PCDHA6: variants seen among roughly 807,000 people sequenced by gnomAD.
The protein encoded by PCDHA6 is protocadherin alpha-6.
Under a neutral mutation model 60.3 loss-of-function variants are expected in PCDHA6, and 55 were observed. The observed-to-expected ratio is 0.91, with a 90% CI of 0.73 to 1.14. The LOEUF (loss-of-function observed/expected upper bound fraction) is 1.14. Among genes scored for constraint, PCDHA6 ranks in the 50% most tolerant of loss-of-function variants. The pLI is 0.00. For synonymous variants in PCDHA6, 652 were observed against 557.9 expected, an observed-to-expected ratio of 1.17 and a Z score of -2.38; for missense variants, 1,327 against 1,256.5, an observed-to-expected ratio of 1.06 and a Z score of -0.85.
chr5:140,942,197 T>C (rs2093245078), intron 1 of PCDHA6, among the ~76,000 whole-genome samples: 1 of 152,170 alleles, frequency 6.6e-6, no homozygotes, highest in African/African-American at 2.4e-5. Context: ...TAAAATACAT[T>C]TTTGAGCATA....
rs782310474 is a variant in PCDHA6 at position 140,858,120 on chromosome 5, T to C, written c.2394+27635T>C. 9 of 1,597,738 alleles carry C rather than the reference T, an allele frequency of 5.6e-6. 1 individual carries two copies. In the Admixed American group the frequency reaches 1.5e-4, roughly 27 times the overall value. ...GTGGGCGTGGCGCCCGAGGTGGCCC[T>C]GGTGGATGTCAACGTGTACCTGATC... On this transcript the variant is annotated intron_variant, in intron 1 of 3. Coordinates refer to ENST00000529310, the MANE Select transcript of PCDHA6 (RefSeq NM_018909.4).
At chr5:140,870,941 C>A in intron 1 of PCDHA6, 1 of 1,613,712 alleles carries the variant, frequency 6.2e-7, no homozygotes, top group Non-Finnish European at 8.5e-7. Context: ...TTGCAGCCGG[C>A]GGCGGGCGGC....
rs762916391 is a variant in PCDHA6, at chr5:140,927,929, C to T, written c.2395-51020C>T. 13 of 1,614,090 alleles carry T rather than the reference C, an allele frequency of 8.1e-6. No homozygotes were observed. The highest frequency in any genetic ancestry group is 5.0e-5 in the Admixed American group (3 of 60,008). ...CCCGAACTGGACTTCCTGACTCTTT[C>T]GAACCCAGTACCTGAGGACGCTGCC... On this transcript the variant is annotated intron_variant, in intron 1 of 3. Transcript: ENST00000529310.
intron 1 of PCDHA6, among the ~76,000 whole-genome samples, chr5:140,961,393 G>C (rs1224822152): frequency 6.6e-6 from 1 of 152,104 alleles, no homozygotes; most frequent in African/African-American, 2.4e-5. Context: ...TATTCCATTA[G>C]TAAACACTTT....
chr5:140,870,252 G>C lies in PCDHA6; in HGVS notation c.2394+39767G>C, dbSNP rs782545691. On this transcript the variant is annotated intron_variant, in intron 1 of 3. Coordinates refer to ENST00000529310, the MANE Select transcript of PCDHA6 (RefSeq NM_018909.4). ...ACCGTGACTCAGGTGTCAACGGACA[G>C]GTGACCTGCTCGCTGACGCCCCACG... The C allele has an allele frequency of 4.3e-6, 7 of 1,614,080 alleles. No homozygotes were observed. The South Asian group carries it at 7.7e-5, about 18-fold the overall frequency.
intron 1 of PCDHA6, among the ~76,000 whole-genome samples, chr5:140,931,051 G>A (rs1460771235): frequency 6.6e-6 from 1 of 152,134 alleles, no homozygotes; most frequent in African/African-American, 2.4e-5. Flanking sequence ...AAACTTCAAT[G>A]CTGTGTCTGG....
At chr5:140,924,906 T>A (rs199645977) in intron 1 of PCDHA6, among the ~76,000 whole-genome samples, 5,369 of 55,724 alleles carry the variant, frequency 0.096, 112 homozygotes, top group Non-Finnish European at 0.11. Context: ...AAAAAAAAAA[T>A]AAAATAAAAT....
At chr5:140,995,548 C>T (rs1554254718) in intron 3 of PCDHA6, among the ~76,000 whole-genome samples, 2 of 152,200 alleles carry the variant, frequency 1.3e-5, no homozygotes, top group Non-Finnish European at 2.9e-5. Context: ...GGGGCGATCA[C>T]TGTACTGAAT....
intron 1 of PCDHA6, chr5:140,871,599 T>G: frequency 1.4e-6 from 2 of 1,447,906 alleles, no homozygotes; most frequent in Non-Finnish European, 1.8e-6. Flanking sequence ...GAATAACCAG[T>G]GTTTTGAATA....
In PCDHA6 at chr5:140,829,622, C is replaced by G; in HGVS notation, c.1531C>G (p.His511Asp). ...CGCGTTGTCGAGCTACATTTCGGTG[C>G]ACGCGGAGAGCGGCAAGGTGTACGC... is the stretch of plus-strand genomic sequence containing the variant. Reference protein sequence around the residue: ...ERALSSYISVHAESGKVYALQ... With the variant: ...ERALSSYISVDAESGKVYALQ... The change falls in exon 1 of 4, where the codon CAC becomes GAC. Residue 511 changes from histidine (H) to aspartate (D), a missense_variant. By Grantham distance (81) the His-to-Asp change is moderately conservative. Transcript: ENST00000529310. 1 of 1,612,190 alleles carries G rather than the reference C, an allele frequency of 6.2e-7. No individual in the cohort carries two copies. The highest frequency in any genetic ancestry group is 8.5e-7 in the Non-Finnish European group (1 of 1,179,794).
intron 1 of PCDHA6, among the ~76,000 whole-genome samples, chr5:140,956,122 A>T (rs1371284760): frequency 6.6e-6 from 1 of 152,116 alleles, no homozygotes; most frequent in Non-Finnish European, 1.5e-5. Context: ...CTCTCTTCCT[A>T]TTTGAATACC....
Position 140,908,264 on chromosome 5 carries a change from C to T in PCDHA6, c.2395-70685C>T, listed in dbSNP as rs184452768. Among the ~76,000 whole-genome samples the T allele has an allele frequency of 2.1e-4, 32 of 152,244 alleles. 1 individual carries two copies. Among genetic ancestry groups the T allele is most frequent in the African/African-American group, 6.3e-4 (26 of 41,538 alleles). Reference sequence around the variant, plus strand: ...CCTCATCAACTGATCATAGGGAACTCCCCATGAGGCCATTGTTGCAAGCTG... The same window carrying T: ...CCTCATCAACTGATCATAGGGAACTTCCCATGAGGCCATTGTTGCAAGCTG... On this transcript the variant is annotated intron_variant, in intron 1 of 3. Coordinates refer to ENST00000529310, the MANE Select transcript of PCDHA6 (RefSeq NM_018909.4).
intron 1 of PCDHA6, chr5:140,882,561 G>T (rs2059195927): frequency 1.2e-6 from 2 of 1,614,222 alleles, no homozygotes; most frequent in East Asian, 4.5e-5. Context: ...CTGTGTGGGC[G>T]GAGCGCGGAG....
intron 3 of PCDHA6, among the ~76,000 whole-genome samples, chr5:140,998,973 G>A (rs572810777): frequency 1.3e-5 from 2 of 152,352 alleles, no homozygotes; most frequent in African/African-American, 2.4e-5. Flanking sequence ...TAGTATCCTA[G>A]AAAATAGTAG....
intron 1 of PCDHA6, among the ~76,000 whole-genome samples, chr5:140,833,397 T>C (rs1420614000): frequency 6.6e-6 from 1 of 152,172 alleles, no homozygotes; most frequent in East Asian, 1.9e-4. Flanking sequence ...ACCTCAAGAC[T>C]TGATCAAAGG....
chr5:140,927,086 A>G (rs2083826085), intron 1 of PCDHA6: 5 of 1,612,296 alleles, frequency 3.1e-6, no homozygotes, highest in Non-Finnish European at 3.4e-6. Context: ...CGCGAGCTCT[A>G]CTTCGGGGTG....
chr5:140,840,316 C>A (rs2150305705), intron 1 of PCDHA6, among the ~76,000 whole-genome samples: 1 of 151,756 alleles, frequency 6.6e-6, no homozygotes, highest in South Asian at 2.1e-4. Flanking sequence ...TAACTTTGGT[C>A]GACTCATTTT....
intron 1 of PCDHA6, chr5:140,876,387 T>C (rs2056316391): frequency 6.2e-7 from 1 of 1,613,830 alleles, no homozygotes; most frequent in Admixed American, 1.7e-5. Flanking sequence ...TTAGAATTTA[T>C]GGTGAACTGG....
intron 1 of PCDHA6, chr5:140,871,028 C>T (rs782198197): frequency 1.2e-5 from 20 of 1,613,116 alleles, no homozygotes; most frequent in Admixed American, 1.7e-5. Context: ...GCAGACTCGC[C>T]GCGCCACCGA....
Sources: gnomAD v4.1 joint callset for allele counts (sites outside exome capture counted in the v4.1 genomes callset) on GRCh38, gnomAD v4.1.1 for gene constraint, MANE v1.5 for transcripts, NCBI Gene and HGNC (gene_info 2026-07-23, HGNC 2026-07-21) for gene names.